The following CNOT10 variants were observed in gnomAD, a reference collection of about 807,000 sequenced individuals.
The protein encoded by CNOT10 is CCR4-NOT transcription complex, subunit 10.
Under a neutral mutation model 94.6 loss-of-function variants are expected in CNOT10, and 30 were observed. That is an observed-to-expected ratio of 0.32 (90% CI 0.24 to 0.43). CNOT10 has a LOEUF of 0.43. Ranked by LOEUF, CNOT10 falls within the 20% of genes least tolerant of loss-of-function variation. The pLI, the probability that CNOT10 is intolerant of heterozygous loss-of-function variation, is 1.00. For synonymous variants in CNOT10, 289 were observed against 301.6 expected, an observed-to-expected ratio of 0.96 and a Z score of 0.43; for missense variants, 759 against 877.2, an observed-to-expected ratio of 0.87 and a Z score of 1.70.
intron 14 of CNOT10, among the ~76,000 whole-genome samples, 154 bp from the exon 15 acceptor site, chr3:32,762,579 C>T (rs1396466950): frequency 1.3e-5 from 2 of 151,970 alleles, no homozygotes; most frequent in South Asian, 2.1e-4. Flanking sequence ...GCAGTTGATT[C>T]GTTTTACCTA....
At chr3:32,748,880 G>A (rs1699831943) in intron 13 of CNOT10, among the ~76,000 whole-genome samples, 1 of 150,818 alleles carries the variant, frequency 6.6e-6, no homozygotes, top group African/African-American at 2.4e-5. Context: ...GCCCAGGCTG[G>A]AGTGCAGTGG....
chr3:32,738,591 T>G (rs1699299110), intron 13 of CNOT10, among the ~76,000 whole-genome samples: 1 of 150,730 alleles, frequency 6.6e-6, no homozygotes. Flanking sequence ...ACCTCCCGAG[T>G]AGCTGGGACT....
At position 32,764,510 on chromosome 3, in the gene CNOT10, ATACT is replaced by A; in HGVS notation, c.1876+23_1876+26del. 1.9e-6 allele frequency: 3 copies of A among 1,612,480 alleles called. No individual in the cohort carries two copies. The highest frequency in any genetic ancestry group is 2.5e-6 in the Non-Finnish European group (3 of 1,179,458). On this transcript the variant is annotated intron_variant, in intron 16 of 18. Transcript: ENST00000328834. ...AATCCTGTAAGTAAGAAGTTTTGTG[ATACT>A]TAAGTAGCCTGGCCTGCATCCCAAA...
At chr3:32,735,058 T>A in intron 12 of CNOT10, 82 bp downstream of exon 12, 1 of 1,178,848 alleles carries the variant, frequency 8.5e-7, no homozygotes, top group Non-Finnish European at 1.2e-6. Flanking sequence ...AGTAAATTCC[T>A]AAAATCTTCA....
rs1164252288 is a variant in CNOT10 at position 32,773,485 on chromosome 3, C to T, written c.2109C>T (p.Ile703=). 1 of 1,613,494 alleles carries T rather than the reference C, an allele frequency of 6.2e-7. No individual in the cohort carries two copies. Residue 703 remains isoleucine, a synonymous_variant, in exon 19 of 19, where the codon ATC becomes ATT. Coordinates refer to ENST00000328834, the MANE Select transcript of CNOT10 (RefSeq NM_015442.3). ...ATACTCAGCTGGCCTTACAGATCAT[C>T]AAAAGGAATCAGCTGCTCCCTGCAG... is the stretch of plus-strand genomic sequence containing the variant. The part of the protein sequence containing the change: ...NGNTQLALQI[I]KRNQLLPAVK...
At chr3:32,723,754 A>C (rs578108009) in intron 8 of CNOT10, among the ~76,000 whole-genome samples, 2 of 152,184 alleles carry the variant, frequency 1.3e-5, no homozygotes, top group African/African-American at 4.8e-5. Flanking sequence ...TAAAACAACT[A>C]GTAACCAACA....
chr3:32,726,538 C>T (rs959363549), intron 9 of CNOT10, among the ~76,000 whole-genome samples: 3 of 151,130 alleles, frequency 2.0e-5, no homozygotes, highest in African/African-American at 7.3e-5. Context: ...ACTAAAAATA[C>T]AAAAAAAATT....
At chr3:32,760,651 C>T (rs1340633543) in intron 14 of CNOT10, among the ~76,000 whole-genome samples, 1 of 151,942 alleles carries the variant, frequency 6.6e-6, no homozygotes, top group Non-Finnish European at 1.5e-5. Flanking sequence ...AAATAAAATA[C>T]AGCTTGAATT....
rs780912409 is a variant in CNOT10 at position 32,727,737 on chromosome 3, G to C, written c.1082G>C (p.Cys361Ser). 4.2e-5 allele frequency: 68 copies of C among 1,614,006 alleles called. 1 individual carries two copies. In the South Asian group the frequency reaches 6.7e-4, roughly 16 times the overall value. The change falls in exon 10 of 19, where the codon TGT (cysteine) becomes TCT (serine). Residue 361 changes from cysteine to serine, a missense_variant. Physicochemically the swap from Cys to Ser is moderately radical, Grantham distance 112. Around this residue, in one of 3 missense-constraint regions of CNOT10, gnomAD observed 682 missense variants for 799.4 expected, o/e 0.85. Coordinates refer to ENST00000328834, the MANE Select transcript of CNOT10 (RefSeq NM_015442.3). ...TNKRYELLYN[C>S]GIQLLHIGRP... ...AAGAGATATGAGTTGCTGTATAACT[G>C]TGGAATTCAGCTTCTTCACATTGGA...
At chr3:32,745,434 T>G (rs1364766616) in intron 13 of CNOT10, among the ~76,000 whole-genome samples, 3 of 149,098 alleles carry the variant, frequency 2.0e-5, no homozygotes, top group African/African-American at 7.4e-5. Flanking sequence ...AACCACTCAA[T>G]GCTGTATGAA....
intron 18 of CNOT10, among the ~76,000 whole-genome samples, chr3:32,772,651 C>T (rs115059604): frequency 0.018 from 2,676 of 152,122 alleles, 42 homozygotes; most frequent in Middle Eastern, 0.065. Flanking sequence ...GAGCCGTAAT[C>T]GCCCCACTGC....
chr3:32,753,599 C>T, intron 13 of CNOT10: 2 of 1,583,440 alleles, frequency 1.3e-6, no homozygotes, highest in Admixed American at 1.7e-5. Flanking sequence ...GATGTGCCTA[C>T]ACCAAAACAA....
intron 1 of CNOT10, among the ~76,000 whole-genome samples, chr3:32,687,563 T>C (rs1478451508): frequency 6.7e-6 from 1 of 148,792 alleles, no homozygotes; most frequent in African/African-American, 2.5e-5. Flanking sequence ...GCCATTCTCC[T>C]GCCTCAGCCA....
At chr3:32,742,984 C>CTTT (rs11425595) in intron 13 of CNOT10, among the ~76,000 whole-genome samples, 6 of 122,722 alleles carry the variant, frequency 4.9e-5, no homozygotes, top group South Asian at 2.6e-4. Flanking sequence ...GAATACTAAT[C>CTTT]TTTTTTTTTT....
At position 32,747,838 on chromosome 3, in the gene CNOT10, C is replaced by T. The variant is rs368085711; in HGVS notation, c.1595+10348C>T. Among the ~76,000 whole-genome samples the T allele has an allele frequency of 2.0e-5, 3 of 152,150 alleles. No homozygotes were observed. In the East Asian group the frequency reaches 5.8e-4, roughly 29 times the overall value. Reference sequence around the variant, plus strand: ...TGGCGCGCCCATGTAGTCCCAGCTCCTCGGGAGGCTGAGGCGGGAGAATTG... The same window carrying T: ...TGGCGCGCCCATGTAGTCCCAGCTCTTCGGGAGGCTGAGGCGGGAGAATTG... On this transcript the variant is annotated intron_variant, in intron 13 of 18. Coordinates refer to ENST00000328834, the MANE Select transcript of CNOT10 (RefSeq NM_015442.3).
chr3:32,762,934 T>G, intron 15 of CNOT10, 71 bp downstream of exon 15: 1 of 1,430,400 alleles, frequency 7.0e-7, no homozygotes, highest in Admixed American at 2.9e-5. Flanking sequence ...TCAGGATGTG[T>G]GGAAATTTAG....
intron 13 of CNOT10, chr3:32,753,106 T>C (rs9857753): frequency 0.16 from 87,300 of 550,142 alleles, 9,534 homozygotes; most frequent in African/African-American, 0.39. Flanking sequence ...CTGTTGCTGA[T>C]GCAAAGAAGT....
At chr3:32,735,236 G>T (rs764953424) in intron 12 of CNOT10, among the ~76,000 whole-genome samples, 1 of 152,172 alleles carries the variant, frequency 6.6e-6, no homozygotes, top group Non-Finnish European at 1.5e-5. Flanking sequence ...ATGCCTGCCT[G>T]TAAAAGGCTG....
intron 3 of CNOT10, among the ~76,000 whole-genome samples, chr3:32,705,691 A>T (rs545160230): frequency 6.6e-6 from 1 of 152,264 alleles, no homozygotes; most frequent in East Asian, 1.9e-4. Context: ...ACATGAACTC[A>T]GTTGTATTTA....
Sources: gnomAD v4.1 joint callset for allele counts (sites outside exome capture counted in the v4.1 genomes callset) on GRCh38, gnomAD v4.1.1 for gene constraint, gnomAD v4.1.1 regional missense constraint, MANE v1.5 for transcripts, NCBI Gene and HGNC (gene_info 2026-07-23, HGNC 2026-07-21) for gene names.